NSD1: variants seen among roughly 807,000 people sequenced by gnomAD.
NSD1 encodes nuclear receptor binding SET domain protein 1.
In NSD1, 26 loss-of-function variants were observed where a neutral mutation model predicts 242.7. The ratio of observed to expected loss-of-function variants is 0.11; its 90% confidence interval spans 0.08 to 0.15. NSD1 has a LOEUF of 0.15. Among genes scored for constraint, NSD1 ranks in the 10% least tolerant of loss-of-function variants. The pLI is 1.00. For missense variants in NSD1, 2,495 were observed against 3,272.8 expected, an observed-to-expected ratio of 0.76 and a Z score of 5.80; for synonymous variants, 1,106 against 1,178.1, an observed-to-expected ratio of 0.94 and a Z score of 1.25.
intron 5 of NSD1, among the ~76,000 whole-genome samples, chr5:177,235,310 TA>T (rs1765358184): frequency 6.6e-6 from 1 of 152,248 alleles, no homozygotes; most frequent in South Asian, 2.1e-4. Context: ...GTGTAATACA[TA>T]AATGAGTTTG....
chr5:177,300,136 G>A lies in NSD1; in HGVS notation c.*4677G>A, dbSNP rs1035810659. ...AAAAGAGGGGAGCCCTGTGTTAGGA[G>A]TCCCCATAAACATGTACTGTAATTC... On this transcript the variant is annotated 3_prime_UTR_variant, in exon 23 of 23. Coordinates refer to ENST00000439151, the MANE Select transcript of NSD1 (RefSeq NM_022455.5). 5 of 217,912 alleles carry A rather than the reference G, an allele frequency of 2.3e-5. No individual in the cohort carries two copies. The highest frequency in any genetic ancestry group is 4.5e-5 in the Non-Finnish European group (5 of 110,336). The allele number at this position is 217,912 out of a possible 1,614,324, so 13.5% of individuals were successfully genotyped here.
chr5:177,260,841 A>C (rs754649464), intron 14 of NSD1, among the ~76,000 whole-genome samples: 5 of 152,214 alleles, frequency 3.3e-5, no homozygotes, highest in Non-Finnish European at 7.3e-5. Flanking sequence ...ACATTCATGC[A>C]TGTCAGCAGA....
chr5:177,292,067 T>C lies in NSD1; in HGVS notation c.6372T>C (p.Cys2124=), dbSNP rs749591161. The change falls in exon 22 of 23, where the codon TGT becomes TGC. Residue 2124 remains cysteine (C), a synonymous_variant. Coordinates refer to ENST00000439151, the MANE Select transcript of NSD1 (RefSeq NM_022455.5). The part of the protein sequence containing the change: ...TKEREDECFS[C]GDAGQLVSCK... ...AGCGAGAAGATGAGTGTTTTAGTTG[T>C]GGGGATGCTGGCCAGCTCGTCTCCT... is the stretch of plus-strand genomic sequence containing the variant. The C allele has an allele frequency of 3.1e-6, 5 of 1,614,142 alleles. No individual in the cohort carries two copies. The highest frequency in any genetic ancestry group is 1.6e-4 in the Middle Eastern group (1 of 6,062).
At chr5:177,142,859 GTGTCC>G (rs1370200287) in intron 2 of NSD1, among the ~76,000 whole-genome samples, 1 of 152,082 alleles carries the variant, frequency 6.6e-6, no homozygotes, top group Non-Finnish European at 1.5e-5. Flanking sequence ...CCCAAATTCA[GTGTCC>G]TTTTTGATAG....
At chr5:177,261,626 A>G (rs1757007403) in intron 14 of NSD1, among the ~76,000 whole-genome samples, 1 of 152,052 alleles carries the variant, frequency 6.6e-6, no homozygotes, top group African/African-American at 2.4e-5. Context: ...TTGAGGCATC[A>G]TTTGCCTTTG....
At chr5:177,230,453 C>T (rs1482884820) in intron 5 of NSD1, among the ~76,000 whole-genome samples, 1 of 152,036 alleles carries the variant, frequency 6.6e-6, no homozygotes, top group Non-Finnish European at 1.5e-5. Context: ...AAATAGAGAG[C>T]TGGAGTATTG....
chr5:177,209,063 G>A (rs1763121530), intron 4 of NSD1, among the ~76,000 whole-genome samples: 1 of 151,992 alleles, frequency 6.6e-6, no homozygotes, highest in Non-Finnish European at 1.5e-5. Context: ...GCTTATAAAT[G>A]CAGGGAGGGT....
chr5:177,142,193 C>T (rs1756881862), intron 2 of NSD1, among the ~76,000 whole-genome samples: 1 of 152,134 alleles, frequency 6.6e-6, no homozygotes, highest in Non-Finnish European at 1.5e-5. Flanking sequence ...CTTCTGTGTT[C>T]ATGATGACAT....
chr5:177,150,391 A>G (rs1050413476), intron 2 of NSD1, among the ~76,000 whole-genome samples: 1 of 152,102 alleles, frequency 6.6e-6, no homozygotes, highest in East Asian at 1.9e-4. Flanking sequence ...TGGCCTCCCA[A>G]AGTGCTGGGA....
intron 5 of NSD1, among the ~76,000 whole-genome samples, chr5:177,233,155 G>A (rs1765184630): frequency 6.6e-6 from 1 of 152,040 alleles, no homozygotes; most frequent in Non-Finnish European, 1.5e-5. Context: ...GCTCACAGTA[G>A]CCTTGATCTT....
intron 11 of NSD1, among the ~76,000 whole-genome samples, chr5:177,250,813 C>G (rs956453744): frequency 2.6e-5 from 4 of 152,142 alleles, no homozygotes; most frequent in African/African-American, 4.8e-5. Flanking sequence ...GTGATCAAGA[C>G]CTATTCTGTT....
At position 177,287,305 on chromosome 5, in the gene NSD1, A is replaced by G. The variant is rs1312272398; in HGVS notation, c.6152-1514A>G. Among the ~76,000 whole-genome samples, 15 of 152,372 alleles carry G rather than the reference A, an allele frequency of 9.8e-5. No individual in the cohort carries two copies. In the East Asian group the frequency reaches 2.9e-3, roughly 29 times the overall value. ...GTTGTATTATAAGCACATCGTATCT[A>G]TAAAATTTTAGTTATCTATCCATAA... On this transcript the variant is annotated intron_variant, in intron 20 of 22. Transcript: ENST00000439151.
chr5:177,252,985 C>G (rs1470054764), intron 12 of NSD1, among the ~76,000 whole-genome samples: 1 of 151,982 alleles, frequency 6.6e-6, no homozygotes, highest in Non-Finnish European at 1.5e-5. Context: ...CGTATATGCT[C>G]TTATAACGAG....
chr5:177,132,417 G>A (rs1397709824), upstream of NSD1, among the ~76,000 whole-genome samples: 1 of 151,508 alleles, frequency 6.6e-6, no homozygotes, highest in Non-Finnish European at 1.5e-5. The surrounding 1 kb of genome is among the most constrained non-coding windows in gnomAD (Gnocchi z 7.5). Context: ...GGCGCCCGCT[G>A]CCCGAGCCCC....
At chr5:177,249,061 G>A (rs962381755) in intron 11 of NSD1, among the ~76,000 whole-genome samples, 1 of 152,180 alleles carries the variant, frequency 6.6e-6, no homozygotes, top group African/African-American at 2.4e-5. Context: ...TGAGATAGGG[G>A]ATTCCACTTT....
At position 177,188,523 on chromosome 5, in the gene NSD1, A is replaced by G. The variant is rs147346998; in HGVS notation, c.928-3361A>G. Among the ~76,000 whole-genome samples, 1,012 of 152,334 alleles carry G rather than the reference A, an allele frequency of 6.6e-3. 8 individuals are homozygous for G. Among genetic ancestry groups the G allele is most frequent in the Non-Finnish European group, 9.3e-3 (630 of 68,030 alleles). On this transcript the variant is annotated intron_variant, in intron 2 of 22. Transcript: ENST00000439151. ...TTGTACCATCAATTAATGAAACTTT[A>G]AAATTTGTGTTTCTCAATGGCCTTG...
upstream of NSD1, among the ~76,000 whole-genome samples, chr5:177,132,364 C>T (rs1166362192): frequency 2.0e-5 from 3 of 151,248 alleles, no homozygotes; most frequent in African/African-American, 4.8e-5. The surrounding 1 kb of genome is among the most constrained non-coding windows in gnomAD (Gnocchi z 7.5). Context: ...CCCGTCCCGT[C>T]CCGGCCCCCA....
At position 177,283,893 on chromosome 5, in the gene NSD1, G is replaced by A. The variant is rs2127263144; in HGVS notation, c.6116G>A (p.Arg2039His). 1.9e-6 allele frequency: 3 copies of A among 1,614,170 alleles called. No individual in the cohort carries two copies. Among genetic ancestry groups the A allele is most frequent in the Non-Finnish European group, 2.5e-6 (3 of 1,180,020 alleles). Residue 2039 changes from arginine to histidine, a missense_variant, in exon 20 of 23, where the codon CGT becomes CAT. By Grantham distance (29) the Arg-to-His change is conservative. Transcript: ENST00000439151. Reference sequence around the variant, plus strand: ...AAGTGGTCTGTGAATGGAGATACCCGTGTAGGCCTTTTTGCACTAAGTGAC... The same window carrying A: ...AAGTGGTCTGTGAATGGAGATACCCATGTAGGCCTTTTTGCACTAAGTGAC... ...TQKWSVNGDT[R>H]VGLFALSDIK...
rs747153404 is a variant in NSD1 at position 177,135,880 on chromosome 5, A to G, written c.777A>G (p.Ser259=). 5.0e-6 allele frequency: 8 copies of G among 1,608,546 alleles called. No homozygotes were observed. The highest frequency in any genetic ancestry group is 1.3e-5 in the African/African-American group (1 of 74,916). The change falls in exon 2 of 23, where the codon TCA becomes TCG. Residue 259 remains serine, a synonymous_variant. Coordinates refer to ENST00000439151, the MANE Select transcript of NSD1 (RefSeq NM_022455.5). ...EKAALLPAPF[S]LGDTNITIEE... Reference sequence around the variant, plus strand: ...CAGCCCTTCTCCCAGCCCCCTTTTCACTAGGAGACACAAACATTACAATAG... The same window carrying G: ...CAGCCCTTCTCCCAGCCCCCTTTTCGCTAGGAGACACAAACATTACAATAG...
Sources: gnomAD v4.1 joint callset for allele counts (sites outside exome capture counted in the v4.1 genomes callset) on GRCh38, gnomAD v4.1.1 for gene constraint, Gnocchi (gnomAD v3.1) non-coding constraint, MANE v1.5 for transcripts, NCBI Gene and HGNC (gene_info 2026-07-23, HGNC 2026-07-21) for gene names.